The following DGKH variants were observed in gnomAD, a reference collection of about 807,000 sequenced individuals.
DGKH encodes diacylglycerol kinase eta.
In DGKH, 90 loss-of-function variants were observed where a neutral mutation model predicts 159.3. The ratio of observed to expected loss-of-function variants is 0.57; its 90% confidence interval spans 0.48 to 0.67. The LOEUF is 0.67. Among genes scored for constraint, DGKH ranks in the 30% least tolerant of loss-of-function variants. DGKH has a pLI of 0.00. For missense variants in DGKH, 1,181 were observed against 1,506.1 expected (o/e 0.78, Z 3.57); for synonymous variants, 536 against 553.8 (o/e 0.97, Z 0.45).
chr13:42,160,704 G>C (rs17645393), intron 7 of DGKH, among the ~76,000 whole-genome samples: 1 of 152,106 alleles, frequency 6.6e-6, no homozygotes, highest in Admixed American at 6.5e-5. Flanking sequence ...GGGTGTGAGC[G>C]TTCATCTCAG....
At chr13:42,086,333 TGAA>T (rs1169560508) in intron 1 of DGKH, among the ~76,000 whole-genome samples, 2 of 152,250 alleles carry the variant, frequency 1.3e-5, no homozygotes, top group African/African-American at 4.8e-5. Flanking sequence ...GTGTTTATTA[TGAA>T]GAAGTGAGCA....
Position 42,209,353 on chromosome 13 carries a change from T to TATA in DGKH, c.2740_2741insAAT (p.Ile913_Phe914insTer). 1 of 1,613,234 alleles carries TATA rather than the reference T, an allele frequency of 6.2e-7. No individual in the cohort carries two copies. The highest frequency in any genetic ancestry group is 1.1e-5 in the South Asian group (1 of 90,898). On this transcript the variant is annotated stop_gained and inframe_insertion, in exon 23 of 30. Coordinates refer to ENST00000337343, the MANE Select transcript of DGKH (RefSeq NM_178009.5). LOFTEE classifies it high-confidence loss of function. ...CAGTGCCGTACAGTGAAAATCACTATATTTGGTGACGAAGGAGTCCCAGTG... is the reference window on the plus strand; with the variant it reads ...CAGTGCCGTACAGTGAAAATCACTATATAATTTGGTGACGAAGGAGTCCCAGTG...
At chr13:42,170,875 G>A (rs1437913560) in intron 11 of DGKH, among the ~76,000 whole-genome samples, 1 of 151,518 alleles carries the variant, frequency 6.6e-6, no homozygotes, top group East Asian at 1.9e-4. Context: ...CCCGGGAGGC[G>A]GAGGTTGCAG....
upstream of DGKH, chr13:42,044,055 GAT>G (rs1880666473): frequency 6.6e-6 from 1 of 152,184 alleles, no homozygotes; most frequent in African/African-American, 2.4e-5. Context: ...TATAGTTCTA[GAT>G]ATGTTGCCCA....
intron 3 of DGKH, among the ~76,000 whole-genome samples, chr13:42,139,030 T>C (rs1359845659): frequency 2.6e-5 from 4 of 152,210 alleles, no homozygotes; most frequent in Non-Finnish European, 4.4e-5. Context: ...TCTTTGTTTC[T>C]GTGGGTGTTT....
At chr13:42,200,803 T>C (rs1222501864) in intron 20 of DGKH, among the ~76,000 whole-genome samples, 1 of 152,170 alleles carries the variant, frequency 6.6e-6, no homozygotes, top group African/African-American at 2.4e-5. Flanking sequence ...GATCAGCTGG[T>C]TTGATTTATT....
At chr13:42,210,951 T>C (rs1192388479) in intron 24 of DGKH, among the ~76,000 whole-genome samples, 186 bp downstream of exon 24, 1 of 152,192 alleles carries the variant, frequency 6.6e-6, no homozygotes, top group Non-Finnish European at 1.5e-5. Context: ...CTATACTACC[T>C]ACTTATATGT....
intron 1 of DGKH, among the ~76,000 whole-genome samples, chr13:42,052,123 A>G (rs1411505971): frequency 1.3e-5 from 2 of 152,220 alleles, no homozygotes; most frequent in Non-Finnish European, 2.9e-5. Flanking sequence ...TTTTAGGACA[A>G]TGCACTAATC....
chr13:42,249,873 T>A (rs1032682713), intron 29 of DGKH, among the ~76,000 whole-genome samples: 22 of 152,226 alleles, frequency 1.4e-4, no homozygotes, highest in African/African-American at 5.3e-4. Context: ...ACACCAACAT[T>A]TGAATCACTC....
At position 42,174,087 on chromosome 13, in the gene DGKH, A is replaced by G; in HGVS notation, c.1395A>G (p.Lys465=). 1 of 1,613,922 alleles carries G rather than the reference A, an allele frequency of 6.2e-7. No homozygotes were observed. Among genetic ancestry groups the G allele is most frequent in the South Asian group, 1.1e-5 (1 of 91,064 alleles). The change falls in exon 12 of 30, where the codon AAA becomes AAG. Residue 465 remains lysine (K), a synonymous_variant. Transcript: ENST00000337343. ...DRWSIMTYEL[K]LPPKASLLPG... ...GGAGTATAATGACATATGAACTCAAATTGCCACCAAAAGCTTCCCTACTTC... is the reference window on the plus strand; with the variant it reads ...GGAGTATAATGACATATGAACTCAAGTTGCCACCAAAAGCTTCCCTACTTC...
intron 21 of DGKH, 81 bp from the exon 22 acceptor site, chr13:42,208,878 A>C: frequency 2.0e-5 from 8 of 398,714 alleles, no homozygotes; most frequent in Non-Finnish European, 3.4e-5. Flanking sequence ...AAATATATGT[A>C]GATATATATT....
intron 16 of DGKH, 81 bp downstream of exon 16, chr13:42,190,606 G>GA (rs34878220): frequency 0.12 from 156,278 of 1,345,040 alleles, 12,117 homozygotes; most frequent in East Asian, 0.4. Flanking sequence ...TGATCAGTTT[G>GA]AAAAAAACTA....
chr13:42,194,412 C>T (rs1200030136), intron 16 of DGKH, among the ~76,000 whole-genome samples: 1 of 152,224 alleles, frequency 6.6e-6, no homozygotes, highest in African/African-American at 2.4e-5. Flanking sequence ...GGATTACAGG[C>T]ATGAGCCACC....
intron 1 of DGKH, among the ~76,000 whole-genome samples, chr13:42,052,201 G>A (rs1881375182): frequency 6.6e-6 from 1 of 152,170 alleles, no homozygotes; most frequent in African/African-American, 2.4e-5. Context: ...TTTGAAATCA[G>A]TGTGGCTTAA....
In DGKH at chr13:42,155,476, A is replaced by C; in HGVS notation, c.489+81A>C. The C allele has an allele frequency of 2.0e-6, 3 of 1,491,548 alleles. No individual in the cohort carries two copies. In the South Asian group the frequency reaches 3.5e-5, roughly 17 times the overall value. The allele number at this position is 1,491,548 out of a possible 1,614,324, so 92.4% of individuals were successfully genotyped here. A position where few individuals can be genotyped will look rare whatever the true frequency, so the allele number is the denominator to read the frequency against. Reference sequence around the variant, plus strand: ...AGGGCTAGAGCTCTACCGTGCAAACATAAGTATGTGTACACTCATTCAGCA... The same window carrying C: ...AGGGCTAGAGCTCTACCGTGCAAACCTAAGTATGTGTACACTCATTCAGCA... On this transcript the variant is annotated intron_variant, in intron 4 of 29. Coordinates refer to ENST00000337343, the MANE Select transcript of DGKH (RefSeq NM_178009.5).
At chr13:42,137,995 T>C in intron 3 of DGKH, 1 of 706,244 alleles carries the variant, frequency 1.4e-6, no homozygotes, top group Non-Finnish European at 1.7e-6. Context: ...CTTTCTAACT[T>C]GAGTCATCTG....
At chr13:42,245,322 C>T (rs989766115), downstream of DGKH, among the ~76,000 whole-genome samples, 14 of 152,096 alleles carry the variant, frequency 9.2e-5, no homozygotes, top group Non-Finnish European at 1.5e-4. Flanking sequence ...TTTTTCATGA[C>T]GCTATCCCAA....
At chr13:42,252,510 A>G (rs1958627612) in intron 30 of DGKH, 1 of 152,546 alleles carries the variant, frequency 6.6e-6, no homozygotes, top group Non-Finnish European at 1.5e-5. Context: ...CACACGGCCT[A>G]TATCCCAAGC....
Position 42,155,380 on chromosome 13 carries a change from C to T in DGKH, c.474C>T (p.Thr158=), listed in dbSNP as rs149168750. 13 of 1,609,580 alleles carry T rather than the reference C, an allele frequency of 8.1e-6. No individual in the cohort carries two copies. Among genetic ancestry groups the T allele is most frequent in the Non-Finnish European group, 1.0e-5 (12 of 1,178,974 alleles). ...TCAGCTCACTGAAGTCTGTACAGAC[C>T]AGAGAACCCTACGAGGTAAAATAGC... is the stretch of plus-strand genomic sequence containing the variant. ...DWISSLKSVQ[T]REPYEVAQFN... Residue 158 remains threonine (T), a synonymous_variant, in exon 4 of 30, where the codon ACC becomes ACT. Coordinates refer to ENST00000337343, the MANE Select transcript of DGKH (RefSeq NM_178009.5).
Sources: gnomAD v4.1 joint callset for allele counts (sites outside exome capture counted in the v4.1 genomes callset) on GRCh38, gnomAD v4.1.1 for gene constraint, MANE v1.5 for transcripts, NCBI Gene and HGNC (gene_info 2026-07-23, HGNC 2026-07-21) for gene names.